CNTRL: variants seen among roughly 807,000 people sequenced by gnomAD.
The protein encoded by CNTRL is centriolin, also known as 110 kDa centrosomal protein.
Under a neutral mutation model 303.7 loss-of-function variants are expected in CNTRL, and 233 were observed. The ratio of observed to expected loss-of-function variants is 0.77; its 90% CI spans 0.69 to 0.86. The LOEUF (loss-of-function observed/expected upper bound fraction) is 0.86. Ranked by LOEUF, CNTRL falls within the 40% of genes least tolerant of loss-of-function variation. The probability of loss-of-function intolerance (pLI) is 0.00; values close to 1 mark genes in which losing one functional copy is unlikely to be tolerated. For missense variants in CNTRL, 2,524 were observed against 2,650.6 expected (o/e 0.95, Z 1.05); for synonymous variants, 900 against 922.2 (o/e 0.98, Z 0.44).
At chr9:121,122,420 A>G in intron 12 of CNTRL, 1 of 984,338 alleles carries the variant, frequency 1.0e-6, no homozygotes, top group Non-Finnish European at 1.2e-6. Flanking sequence ...TCTTTCTTGT[A>G]TTTGGGGTAA....
At chr9:121,102,821 C>T (rs2049251028) in intron 7 of CNTRL, among the ~76,000 whole-genome samples, 2 of 152,046 alleles carry the variant, frequency 1.3e-5, no homozygotes, top group South Asian at 4.1e-4. Flanking sequence ...GAATAAAATA[C>T]CTAGGAATCC....
intron 27 of CNTRL, among the ~76,000 whole-genome samples, chr9:121,156,687 T>A (rs1408860059): frequency 6.6e-6 from 1 of 152,174 alleles, no homozygotes; most frequent in East Asian, 1.9e-4. Flanking sequence ...CACACTCTAT[T>A]TATTTTTGGA....
chr9:121,161,151 C>T (rs925075998), intron 32 of CNTRL: 5 of 381,208 alleles, frequency 1.3e-5, no homozygotes, highest in East Asian at 7.5e-5. Flanking sequence ...TGTGTGCGCG[C>T]GTGCTCACGC....
chr9:121,148,001 C>T (rs1416235611), intron 23 of CNTRL, among the ~76,000 whole-genome samples: 3 of 152,166 alleles, frequency 2.0e-5, no homozygotes, highest in East Asian at 1.9e-4. Context: ...AGACTGGTGA[C>T]CCCAGATTTC....
chr9:121,157,108 C>T (rs1352983223), intron 27 of CNTRL, among the ~76,000 whole-genome samples: 1 of 152,130 alleles, frequency 6.6e-6, no homozygotes, highest in Non-Finnish European at 1.5e-5. Context: ...TACACAGTTG[C>T]TCTCACAGTG....
At chr9:121,122,641 C>G (rs1304515223) in intron 12 of CNTRL, among the ~76,000 whole-genome samples, 1 of 152,180 alleles carries the variant, frequency 6.6e-6, no homozygotes, top group African/African-American at 2.4e-5. Context: ...ATTATTTTGT[C>G]TCCATATGAA....
intron 12 of CNTRL, 48 bp downstream of exon 12, chr9:121,118,588 T>A: frequency 7.1e-7 from 1 of 1,413,666 alleles, no homozygotes; most frequent in Non-Finnish European, 9.5e-7. Flanking sequence ...ATATTACATG[T>A]CTCATCATTG....
intron 14 of CNTRL, among the ~76,000 whole-genome samples, chr9:121,131,424 G>C (rs1290816918): frequency 1.3e-5 from 2 of 152,156 alleles, no homozygotes; most frequent in Non-Finnish European, 2.9e-5. Context: ...TTGGTTTAAA[G>C]TCTGTTTTAT....
intron 38 of CNTRL, 63 bp downstream of exon 38, chr9:121,168,384 C>A: frequency 2.0e-6 from 3 of 1,468,348 alleles, no homozygotes; most frequent in South Asian, 1.2e-5. Flanking sequence ...GGTTGTCTTG[C>A]AAAAGTATTT....
intron 13 of CNTRL, among the ~76,000 whole-genome samples, chr9:121,124,476 C>G (rs2050394765): frequency 6.6e-6 from 1 of 152,180 alleles, no homozygotes; most frequent in East Asian, 1.9e-4. Flanking sequence ...CTGATTTAAA[C>G]TGCGACATAT....
chr9:121,131,585 A>G (rs1430123650), intron 14 of CNTRL, among the ~76,000 whole-genome samples: 2 of 152,256 alleles, frequency 1.3e-5, no homozygotes, highest in Middle Eastern at 3.4e-3. Flanking sequence ...CTCTTTATCC[A>G]ATTTGCCAGT....
At chr9:121,158,226 T>A in intron 30 of CNTRL, 117 bp downstream of exon 30, 1 of 1,263,502 alleles carries the variant, frequency 7.9e-7, no homozygotes, top group Non-Finnish European at 1.1e-6. Flanking sequence ...TTGTTAAGCA[T>A]GAAGTCTGAA....
At chr9:121,094,818 A>G (rs1171852996) in intron 4 of CNTRL, 70 bp from the exon 5 acceptor site, 6 of 1,167,540 alleles carry the variant, frequency 5.1e-6, no homozygotes, top group Non-Finnish European at 6.0e-6. Context: ...CCTGATGCAC[A>G]TAAGTAAATG....
rs758877689 is a variant in CNTRL at position 121,168,153 on chromosome 9, A to C, written c.5902A>C (p.Lys1968Gln). ...ESEESKLETS[K>Q]VTLKEQQHQL... ...TGAAGAAAGCAAATTAGAAACCAGT[A>C]AAGTGACACTGAAGGAGCAACAGCA... Residue 1968 changes from lysine (K) to glutamine (Q), a missense_variant, in exon 38 of 44, where the codon AAA becomes CAA. Coordinates refer to ENST00000373855, the MANE Select transcript of CNTRL (RefSeq NM_007018.6). 6.2e-7 allele frequency: 1 copy of C among 1,613,972 alleles called. No homozygotes were observed. Among genetic ancestry groups the C allele is most frequent in the African/African-American group, 1.3e-5 (1 of 74,942 alleles).
chr9:121,174,195 A>G (rs933582055), intron 42 of CNTRL, among the ~76,000 whole-genome samples: 3 of 152,158 alleles, frequency 2.0e-5, no homozygotes, highest in Non-Finnish European at 4.4e-5. Flanking sequence ...TAGGCAGCCA[A>G]AAATAGGAGT....
rs760424387 is a variant in CNTRL, at chr9:121,161,938, T to C, written c.5172T>C (p.Ser1724=). ...AGCTACAACATGACCAAAGGGTATC[T>C]GAATTAGAGAAGACTCAGGTGGCAG... is the stretch of plus-strand genomic sequence containing the variant. The part of the protein sequence containing the change: ...GLKLQHDQRV[S]ELEKTQVAVL... The change falls in exon 33 of 44, where the codon TCT becomes TCC. Residue 1724 remains serine, a synonymous_variant. Transcript: ENST00000373855. 16 of 1,614,170 alleles carry C rather than the reference T, an allele frequency of 9.9e-6. No individual in the cohort carries two copies. Among genetic ancestry groups the C allele is most frequent in the Middle Eastern group, 1.7e-4 (1 of 6,060 alleles).
At chr9:121,082,672 A>G (rs892968340) in intron 2 of CNTRL, among the ~76,000 whole-genome samples, 1 of 152,134 alleles carries the variant, frequency 6.6e-6, no homozygotes, top group African/African-American at 2.4e-5. Flanking sequence ...ATATTTGTGC[A>G]TCTAAACATA....
chr9:121,125,381 G>A (rs534728664), intron 13 of CNTRL, among the ~76,000 whole-genome samples: 24 of 151,878 alleles, frequency 1.6e-4, no homozygotes, highest in Non-Finnish European at 3.1e-4. Context: ...GGATGGTCTC[G>A]ATCTCCTGAC....
Position 121,169,684 on chromosome 9 carries a change from A to G in CNTRL, c.6144A>G (p.Ala2048=). 2 of 1,614,202 alleles carry G rather than the reference A, an allele frequency of 1.2e-6. No homozygotes were observed. Among genetic ancestry groups the G allele is most frequent in the Non-Finnish European group, 1.7e-6 (2 of 1,180,024 alleles). Residue 2048 remains alanine, a synonymous_variant, in exon 39 of 44, where the codon GCA becomes GCG. Transcript: ENST00000373855. ...AGCTGTTGGCCCTCCAGAAAGAGGCAGATTCTATGAGGGCAGACTTCAGCC... is the reference window on the plus strand; with the variant it reads ...AGCTGTTGGCCCTCCAGAAAGAGGCGGATTCTATGAGGGCAGACTTCAGCC... ...SGELLALQKE[A]DSMRADFSLL...
Sources: gnomAD v4.1 joint callset for allele counts (sites outside exome capture counted in the v4.1 genomes callset) on GRCh38, gnomAD v4.1.1 for gene constraint, MANE v1.5 for transcripts, NCBI Gene and HGNC (gene_info 2026-07-23, HGNC 2026-07-21) for gene names.